Variants in NDNF observed in about 807,000 individuals in gnomAD.
NDNF encodes protein NDNF.
NDNF carries 16 observed loss-of-function variants against 42.0 expected under a neutral mutation model. The ratio of observed to expected loss-of-function variants is 0.38; its 90% CI spans 0.26 to 0.58. The LOEUF is 0.58. Among genes scored for constraint, NDNF ranks in the 20% least tolerant of loss-of-function variants. The probability of loss-of-function intolerance (pLI) is 0.67; values close to 1 mark genes in which losing one functional copy is unlikely to be tolerated. For synonymous variants in NDNF, 248 were observed against 251.7 expected (o/e 0.99, Z 0.14); for missense variants, 616 against 666.2 (o/e 0.92, Z 0.83).
At chr4:121,051,610 G>C (rs1234069537) in intron 1 of NDNF, among the ~76,000 whole-genome samples, 1 of 152,162 alleles carries the variant, frequency 6.6e-6, no homozygotes, top group African/African-American at 2.4e-5. Flanking sequence ...ACTTGCCCCA[G>C]AATGTCTATA....
intron 1 of NDNF, among the ~76,000 whole-genome samples, chr4:121,069,335 C>A (rs564674223): frequency 6.6e-6 from 1 of 152,266 alleles, no homozygotes; most frequent in Admixed American, 6.5e-5. Flanking sequence ...AGGGTGGGGG[C>A]TTCTCTTGTC....
At position 121,045,797 on chromosome 4, in the gene NDNF, G is replaced by C; in HGVS notation, c.41C>G (p.Pro14Arg). The change falls in exon 2 of 4, where the codon CCA becomes CGA. Residue 14 changes from proline (P) to arginine (R), a missense_variant. Physicochemically the swap from Pro to Arg is moderately radical, Grantham distance 103. Coordinates refer to ENST00000379692, the MANE Select transcript of NDNF (RefSeq NM_024574.4). The part of the protein sequence containing the change: ...LHWCLLWLLF[P>R]LSSRTQKLPT... Reference sequence around the variant, plus strand: ...TAACTTCTGGGTCCTTGAGCTGAGTGGAAACAGGAGCCACAGCAGGCACCA... The same window carrying C: ...TAACTTCTGGGTCCTTGAGCTGAGTCGAAACAGGAGCCACAGCAGGCACCA... The C allele has an allele frequency of 1.2e-6, 2 of 1,614,138 alleles. No homozygotes were observed. The highest frequency in any genetic ancestry group is 1.7e-6 in the Non-Finnish European group (2 of 1,180,044).
intron 1 of NDNF, among the ~76,000 whole-genome samples, chr4:121,058,132 G>GT (rs1216792089): frequency 1.3e-5 from 2 of 152,044 alleles, no homozygotes; most frequent in African/African-American, 4.8e-5. Context: ...CTACATAGCT[G>GT]TTTTTAGTTT....
In NDNF at chr4:121,037,369, G is replaced by C. The variant is rs200466645; in HGVS notation, c.602C>G (p.Thr201Ser). The change falls in exon 4 of 4, where the codon ACT becomes AGT. Residue 201 changes from threonine (T) to serine (S), a missense_variant. Physicochemically the swap from Thr to Ser is moderately conservative, Grantham distance 58. Transcript: ENST00000379692. The stretch of plus-strand genomic sequence containing the variant: ...AATGGGTTGTTTCAGCAAAGAGGCA[G>C]TGGGGCTTGGTTTCCAGGCCAAAGT... The part of the protein sequence containing the change: ...TVTLAWKPSP[T>S]ASLLKQPIQY... The C allele has an allele frequency of 7.0e-4, 1,134 of 1,614,192 alleles. 5 individuals are homozygous for C. The Middle Eastern group carries it at 0.014, about 20-fold the overall frequency.
chr4:121,047,066 TG>T (rs1395562004), intron 1 of NDNF, among the ~76,000 whole-genome samples: 3 of 152,240 alleles, frequency 2.0e-5, no homozygotes, highest in African/African-American at 7.2e-5. Context: ...ATGAAGTGAA[TG>T]CCAGTTTTAT....
At chr4:121,038,810 A>C (rs529094079) in intron 3 of NDNF, 1 of 151,968 alleles carries the variant, frequency 6.6e-6, no homozygotes, top group South Asian at 2.1e-4. Flanking sequence ...AAAATAGTGA[A>C]ACCCTATCTT....
chr4:121,045,619 T>C lies in NDNF; in HGVS notation c.188+31A>G, dbSNP rs763318101. 2.5e-6 allele frequency: 4 copies of C among 1,589,504 alleles called. 1 individual carries two copies. The highest frequency in any genetic ancestry group is 3.4e-6 in the Non-Finnish European group (4 of 1,161,134). ...TTTTGGAGGCATCCTTTGTGAGCTTTTTAATAAAGAAAATACTGCAGGGAG... is the reference window on the plus strand; with the variant it reads ...TTTTGGAGGCATCCTTTGTGAGCTTCTTAATAAAGAAAATACTGCAGGGAG... On this transcript the variant is annotated intron_variant, in intron 2 of 3. Coordinates refer to ENST00000379692, the MANE Select transcript of NDNF (RefSeq NM_024574.4).
chr4:121,070,937 G>T (rs1475190346), intron 1 of NDNF, among the ~76,000 whole-genome samples: 4 of 152,164 alleles, frequency 2.6e-5, no homozygotes, highest in Non-Finnish European at 5.9e-5. Flanking sequence ...AAACTCCGAG[G>T]AGCTGATGCG....
In NDNF at chr4:121,062,204, G is replaced by A. The variant is rs1727424849; in HGVS notation, c.-2+9789C>T. 2.0e-5 allele frequency among the ~76,000 whole-genome samples: 3 copies of A among 152,216 alleles called. No homozygotes were observed. In the East Asian group the frequency reaches 5.8e-4, roughly 29 times the overall value. On this transcript the variant is annotated intron_variant, in intron 1 of 3. Coordinates refer to ENST00000379692, the MANE Select transcript of NDNF (RefSeq NM_024574.4). The stretch of plus-strand genomic sequence containing the variant: ...ACTGATTAGAAGCACAGAGTTAAAG[G>A]CCAAGATGTCGATTTTAAAAAATAA...
At chr4:121,040,309 A>G (rs970819370) in intron 2 of NDNF, among the ~76,000 whole-genome samples, 1 of 152,220 alleles carries the variant, frequency 6.6e-6, no homozygotes, top group African/African-American at 2.4e-5. Flanking sequence ...CAACAAATAC[A>G]GCGTGAAATA....
At chr4:121,041,671 C>T (rs17353576) in intron 2 of NDNF, among the ~76,000 whole-genome samples, 30,258 of 152,080 alleles carry the variant, frequency 0.2, 3,344 homozygotes, top group South Asian at 0.33. Flanking sequence ...AGGAATGATT[C>T]GGAGGTGGTG....
chr4:121,071,457 C>CT (rs1240092568), intron 1 of NDNF: 5 of 152,100 alleles, frequency 3.3e-5, no homozygotes, highest in Non-Finnish European at 5.9e-5. Flanking sequence ...GCCTGGACCT[C>CT]TAGCTTTTCG....
In NDNF at chr4:121,036,942, G is replaced by A. The variant is rs145661282; in HGVS notation, c.1029C>T (p.Val343=). The A allele has an allele frequency of 2.1e-4, 336 of 1,613,834 alleles. 1 individual carries two copies. The East Asian group carries it at 4.9e-3, about 24-fold the overall frequency. ...CTGTTATCTTCCCATCTTTTAGCTC[G>A]ACTGTCTTCTGTTTGGCTTCTTCCT... ...RTKEEAKQKT[V]ELKDGKITDV... Residue 343 remains valine (V), a synonymous_variant, in exon 4 of 4, where the codon GTC becomes GTT. Coordinates refer to ENST00000379692, the MANE Select transcript of NDNF (RefSeq NM_024574.4).
intron 1 of NDNF, among the ~76,000 whole-genome samples, chr4:121,054,747 A>G (rs1215332208): frequency 6.6e-6 from 1 of 152,242 alleles, no homozygotes; most frequent in Non-Finnish European, 1.5e-5. Context: ...TGAGGGAAGA[A>G]TGGAAGACCA....
chr4:121,045,338 C>G (rs1180608577), intron 2 of NDNF, among the ~76,000 whole-genome samples: 1 of 148,020 alleles, frequency 6.8e-6, no homozygotes, highest in Admixed American at 6.9e-5. Flanking sequence ...GGCAACAGAG[C>G]GAGACTCCGT....
At chr4:121,058,817 T>C (rs1205373993) in intron 1 of NDNF, among the ~76,000 whole-genome samples, 1 of 152,174 alleles carries the variant, frequency 6.6e-6, no homozygotes, top group Admixed American at 6.5e-5. Context: ...ATATCTCTCA[T>C]TCATTTTCTA....
chr4:121,038,043 T>A (rs1329366761), intron 3 of NDNF: 1 of 171,852 alleles, frequency 5.8e-6, no homozygotes, highest in Non-Finnish European at 1.2e-5. Flanking sequence ...GACAATCTGA[T>A]TAAAATACAC....
chr4:121,039,542 GC>G (rs1726959362), intron 3 of NDNF, among the ~76,000 whole-genome samples: 1 of 151,870 alleles, frequency 6.6e-6, no homozygotes, highest in South Asian at 2.1e-4. Context: ...GGGGAGTGTG[GC>G]TAAAAATCCC....
intron 2 of NDNF, among the ~76,000 whole-genome samples, chr4:121,041,886 G>C (rs1727004641): frequency 6.6e-6 from 1 of 152,164 alleles, no homozygotes; most frequent in South Asian, 2.1e-4. Context: ...GAAGTACTTT[G>C]TGGTTTGAGC....
Sources: allele counts gnomAD v4.1 joint callset (sites outside exome capture counted in the v4.1 genomes callset), GRCh38; gene constraint gnomAD v4.1.1; transcripts MANE v1.5; gene names NCBI Gene and HGNC (gene_info 2026-07-23, HGNC 2026-07-21).